The following OSBPL11 variants were observed in gnomAD, a reference collection of about 807,000 sequenced individuals.
OSBPL11 encodes oxysterol binding protein like 11.
In OSBPL11, 33 loss-of-function variants were observed where a neutral mutation model predicts 84.4. That is an observed-to-expected ratio of 0.39 (90% CI 0.30 to 0.52). The LOEUF is 0.52. Ranked by LOEUF, OSBPL11 falls within the 20% of genes least tolerant of loss-of-function variation. The pLI is 0.72. For synonymous variants in OSBPL11, 276 were observed against 310.2 expected, an observed-to-expected ratio of 0.89 and a Z score of 1.16; for missense variants, 736 against 901.1, an observed-to-expected ratio of 0.82 and a Z score of 2.35.
At chr3:125,584,099 T>C (rs1177107447) in intron 1 of OSBPL11, among the ~76,000 whole-genome samples, 1 of 152,158 alleles carries the variant, frequency 6.6e-6, no homozygotes, top group African/African-American at 2.4e-5. Context: ...GCATGGCAGC[T>C]CACGCCTGTA....
At chr3:125,582,757 A>G (rs551335438) in intron 2 of OSBPL11, among the ~76,000 whole-genome samples, 153 bp downstream of exon 2, 5 of 152,000 alleles carry the variant, frequency 3.3e-5, no homozygotes, top group African/African-American at 1.2e-4. Context: ...ACCCTCTAAG[A>G]AGAAGTCACC....
intron 2 of OSBPL11, among the ~76,000 whole-genome samples, chr3:125,581,750 AT>A (rs1936430720): frequency 6.7e-6 from 1 of 150,236 alleles, no homozygotes; most frequent in South Asian, 2.1e-4. Context: ...ATGAGTTGAG[AT>A]TGCTTGAATC....
At chr3:125,533,196 CCTCCCTCCCTTCTCT>C (rs1283942371) in intron 11 of OSBPL11, among the ~76,000 whole-genome samples, 2 of 147,142 alleles carry the variant, frequency 1.4e-5, no homozygotes, top group Non-Finnish European at 3.0e-5. Context: ...CCTCCCCTTC[CCTCCCTCCCTTCTCT>C]CTCCCTCCCT....
chr3:125,530,576 T>C lies in OSBPL11; in HGVS notation c.2183A>G (p.Asp728Gly). The C allele has an allele frequency of 6.2e-7, 1 of 1,612,788 alleles. No homozygotes were observed. The highest frequency in any genetic ancestry group is 8.5e-7 in the Non-Finnish European group (1 of 1,178,852). The change falls in exon 13 of 13, where the codon GAT (aspartate) becomes GGT (glycine). Residue 728 changes from aspartate (D) to glycine (G), a missense_variant. Physicochemically the swap from Asp to Gly is moderately conservative, Grantham distance 94. This residue lies in a region of OSBPL11 where 579 missense variants were observed against 717.6 expected (regional missense o/e 0.81). Transcript: ENST00000296220. ...AAGTGGTTTATGATAAACCCAGCCA[T>C]CTCCCTGAAACAAATAAAAAGATAA... ...WKTKYFIKEG[D>G]GWVYHKPLWK...
chr3:125,544,835 T>A (rs997931419), intron 10 of OSBPL11, among the ~76,000 whole-genome samples: 2 of 152,230 alleles, frequency 1.3e-5, no homozygotes, highest in African/African-American at 4.8e-5. Flanking sequence ...ATGTACATCT[T>A]GTATCAATAA....
chr3:125,593,396 G>T (rs1413848319), intron 1 of OSBPL11, among the ~76,000 whole-genome samples: 1 of 152,140 alleles, frequency 6.6e-6, no homozygotes, highest in African/African-American at 2.4e-5. Context: ...GAGGAGGGCT[G>T]ATCACTTGAG....
At chr3:125,557,917 A>G (rs569305457) in intron 8 of OSBPL11, among the ~76,000 whole-genome samples, 3 of 147,626 alleles carry the variant, frequency 2.0e-5, no homozygotes, top group African/African-American at 7.5e-5. Flanking sequence ...TCTCAGCCAC[A>G]TGGTAGCTGG....
intron 1 of OSBPL11, 145 bp downstream of exon 1, chr3:125,594,492 G>C: frequency 1.1e-6 from 1 of 922,534 alleles, no homozygotes; most frequent in Non-Finnish European, 1.6e-6. Flanking sequence ...TTTTAGGCGA[G>C]GTCCCAGATC....
At chr3:125,573,409 G>A (rs1936271289) in intron 5 of OSBPL11, among the ~76,000 whole-genome samples, 1 of 152,102 alleles carries the variant, frequency 6.6e-6, no homozygotes, top group Non-Finnish European at 1.5e-5. Flanking sequence ...GTTACTCACA[G>A]GGCATGGCAT....
At chr3:125,576,569 A>T (rs1433919984) in intron 4 of OSBPL11, among the ~76,000 whole-genome samples, 1 of 152,252 alleles carries the variant, frequency 6.6e-6, no homozygotes, top group East Asian at 1.9e-4. Flanking sequence ...GGAAACTGGT[A>T]ATTTATTTAG....
In OSBPL11 at chr3:125,590,755, T is replaced by C. The variant is rs113187671; in HGVS notation, c.164+3882A>G. On this transcript the variant is annotated intron_variant, in intron 1 of 12. Coordinates refer to ENST00000296220, the MANE Select transcript of OSBPL11 (RefSeq NM_022776.5). ...ATAGTAGAGACTCAAAAATATTTGC[T>C]ACATAAGTTAGAACATGAGTAAACC... Among the ~76,000 whole-genome samples, 874 of 152,276 alleles carry C rather than the reference T, an allele frequency of 5.7e-3. 3 individuals are homozygous for C. Among genetic ancestry groups the C allele is most frequent in the Non-Finnish European group, 0.01 (681 of 68,012 alleles).
At chr3:125,539,330 T>TAC (rs1478628619) in intron 10 of OSBPL11, among the ~76,000 whole-genome samples, 2 of 120,992 alleles carry the variant, frequency 1.7e-5, no homozygotes, top group Non-Finnish European at 3.2e-5. Flanking sequence ...TATATATATA[T>TAC]ATATATATAT....
chr3:125,572,924 TAC>T (rs10575184), intron 5 of OSBPL11, among the ~76,000 whole-genome samples: 9,900 of 141,900 alleles, frequency 0.07, 458 homozygotes, highest in Non-Finnish European at 0.1. Flanking sequence ...TGTATATATA[TAC>T]ACACACACAC....
chr3:125,538,367 G>A (rs552520377), intron 11 of OSBPL11, 84 bp downstream of exon 11: 274 of 1,341,176 alleles, frequency 2.0e-4, no homozygotes, highest in South Asian at 7.7e-4. Context: ...AAGTGACTTG[G>A]CCAAGGTCAC....
intron 10 of OSBPL11, among the ~76,000 whole-genome samples, chr3:125,540,328 C>CAAAAAA (rs201858368): frequency 0.015 from 1,289 of 85,160 alleles, 168 homozygotes; most frequent in African/African-American, 0.035. Context: ...GGCTCTGTCT[C>CAAAAAA]AAAAAAAAAA....
intron 1 of OSBPL11, among the ~76,000 whole-genome samples, chr3:125,590,278 G>A (rs1936577058): frequency 6.6e-6 from 1 of 152,156 alleles, no homozygotes; most frequent in African/African-American, 2.4e-5. Flanking sequence ...GGCCAGGCAC[G>A]GTGGCTCACG....
At chr3:125,556,463 G>C (rs1580049112) in intron 8 of OSBPL11, among the ~76,000 whole-genome samples, 1 of 152,170 alleles carries the variant, frequency 6.6e-6, no homozygotes, top group African/African-American at 2.4e-5. Context: ...GTAGGTCACA[G>C]TTTGCTTTGA....
intron 8 of OSBPL11, among the ~76,000 whole-genome samples, chr3:125,554,254 T>TA (rs1332432851): frequency 6.6e-6 from 1 of 152,212 alleles, no homozygotes; most frequent in Non-Finnish European, 1.5e-5. Context: ...TACCAAGTGA[T>TA]ACATAACAAG....
chr3:125,538,580 T>C lies in OSBPL11; in HGVS notation c.1895A>G (p.Gln632Arg). ...NITNTVVCRV[Q>R]GEWNSVLEFT... ...CTCAAGAACACTATTCCATTCCCCT[T>C]GCACTCTGCATACCACAGTGTTGGT... Residue 632 changes from glutamine to arginine, a missense_variant, in exon 11 of 13, where the codon CAA becomes CGA. Coordinates refer to ENST00000296220, the MANE Select transcript of OSBPL11 (RefSeq NM_022776.5). 6.2e-7 allele frequency: 1 copy of C among 1,614,078 alleles called. No homozygotes were observed. Among genetic ancestry groups the C allele is most frequent in the Non-Finnish European group, 8.5e-7 (1 of 1,179,978 alleles).
Sources: gnomAD v4.1 joint callset for allele counts (sites outside exome capture counted in the v4.1 genomes callset) on GRCh38, gnomAD v4.1.1 for gene constraint, gnomAD v4.1.1 regional missense constraint, MANE v1.5 for transcripts, NCBI Gene and HGNC (gene_info 2026-07-23, HGNC 2026-07-21) for gene names.